The following CASK variants were observed in gnomAD, a reference collection of about 807,000 sequenced individuals.
CASK encodes the protein calcium/calmodulin dependent serine protein kinase, also known as peripheral plasma membrane protein CASK.
A neutral mutation model predicts 82.9 loss-of-function variants in CASK; 4 were observed. That is an observed-to-expected ratio of 0.05 (90% CI 0.02 to 0.11). CASK has a LOEUF of 0.11. Among genes scored for constraint, CASK ranks in the 10% least tolerant of loss-of-function variants. The pLI, the probability that CASK is intolerant of heterozygous loss-of-function variation, is 1.00. For missense variants in CASK, 358 were observed against 720.9 expected (o/e 0.50, Z 5.76); for synonymous variants, 259 against 253.5 (o/e 1.02, Z -0.20).
intron 3 of CASK, 27 bp downstream of exon 3, chrX:41,787,151 C>T: frequency 5.7e-6 from 5 of 874,548 alleles, no homozygotes; most frequent in Non-Finnish European, 8.5e-6. Flanking sequence ...CAAGTTTTAC[C>T]CTTTAAGAAT....
intron 25 of CASK, chrX:41,524,743 G>C (rs1345958963): frequency 9.0e-6 from 1 of 111,365 alleles, no homozygotes; most frequent in African/African-American, 3.3e-5. Flanking sequence ...AGTTTGGATA[G>C]ATATACTGCA....
At position 41,760,987 on chromosome X, in the gene CASK, T is replaced by C. The variant is rs148429381; in HGVS notation, c.279-15386A>G. Among the ~76,000 whole-genome samples the C allele has an allele frequency of 8.7e-3, 968 of 111,525 alleles. 14 individuals carry two copies. Among genetic ancestry groups the C allele is most frequent in the African/African-American group, 0.03 (933 of 30,704 alleles). ...GCATCAGTTTGCTTGCTATCCTGTG[T>C]AAGTTCTTGTAACTCTGGTATGGAT... On this transcript the variant is annotated intron_variant, in intron 3 of 26. Transcript: ENST00000378163.
chrX:41,747,355 C>A (rs773993585), intron 3 of CASK, among the ~76,000 whole-genome samples: 1 of 111,468 alleles, frequency 9.0e-6, no homozygotes, highest in Admixed American at 9.5e-5. Context: ...CCTGGATGAA[C>A]GTGATCATGC....
At position 41,888,700 on chromosome X, in the gene CASK, T is replaced by C. The variant is rs868182015; in HGVS notation, c.59+34230A>G. Among the ~76,000 whole-genome samples, 5 of 102,006 alleles carry C rather than the reference T, an allele frequency of 4.9e-5. No individual in the cohort carries two copies. The South Asian group carries it at 1.6e-3, about 33-fold the overall frequency. The allele number at this position is 102,006 out of a possible 115,157, so 88.6% of individuals were successfully genotyped here. ...ATGTATGTGAATATATGTATATATA[T>C]ACGTATATATGTATATGTATGTGAA... is the stretch of plus-strand genomic sequence containing the variant. On this transcript the variant is annotated intron_variant, in intron 1 of 26. Coordinates refer to ENST00000378163, the MANE Select transcript of CASK (RefSeq NM_001367721.1).
At chrX:41,672,609 G>A (rs941112560) in intron 5 of CASK, among the ~76,000 whole-genome samples, 2 of 111,874 alleles carry the variant, frequency 1.8e-5, no homozygotes, top group African/African-American at 6.5e-5. Context: ...ATACTGAGCT[G>A]GTACACCTGT....
chrX:41,695,103 T>A (rs1407646622), intron 5 of CASK, among the ~76,000 whole-genome samples: 1 of 111,192 alleles, frequency 9.0e-6, no homozygotes, highest in African/African-American at 3.3e-5. Context: ...GAGAAGATGA[T>A]CTCATAAATT....
At chrX:41,586,257 C>T (rs765254978) in intron 14 of CASK, 3 of 112,186 alleles carry the variant, frequency 2.7e-5, no homozygotes, top group African/African-American at 9.7e-5. Context: ...GTAAATTTTC[C>T]ACTTTTCACA....
intron 3 of CASK, among the ~76,000 whole-genome samples, chrX:41,761,735 C>T (rs755794957): frequency 1.8e-5 from 2 of 111,639 alleles, no homozygotes; most frequent in East Asian, 2.8e-4. Context: ...TCAGACATTA[C>T]CAAGAAAAAA....
At chrX:41,910,042 C>T (rs1364133841) in intron 1 of CASK, among the ~76,000 whole-genome samples, 1 of 111,476 alleles carries the variant, frequency 9.0e-6, no homozygotes, top group Non-Finnish European at 1.9e-5. Context: ...GCCAACATGG[C>T]AAAACCCTGT....
intron 5 of CASK, among the ~76,000 whole-genome samples, chrX:41,708,793 A>T (rs750655627): frequency 1.8e-5 from 2 of 111,888 alleles, no homozygotes; most frequent in Non-Finnish European, 3.8e-5. Flanking sequence ...AGGCACTATT[A>T]AAAAAGTGAC....
intron 3 of CASK, among the ~76,000 whole-genome samples, chrX:41,747,576 C>T (rs1279475607): frequency 3.6e-5 from 4 of 111,583 alleles, no homozygotes; most frequent in African/African-American, 9.8e-5. Flanking sequence ...GTAGCTGGCA[C>T]TACAGGCGCC....
chrX:41,540,963 A>T (rs758809328), intron 22 of CASK, among the ~76,000 whole-genome samples: 43 of 112,511 alleles, frequency 3.8e-4, no homozygotes, highest in Admixed American at 3.1e-3. Context: ...TGACAGCCTG[A>T]ACCAGCCATT....
chrX:41,709,483 G>T (rs2067937682), intron 5 of CASK, among the ~76,000 whole-genome samples: 1 of 111,459 alleles, frequency 9.0e-6, no homozygotes, highest in Non-Finnish European at 1.9e-5. Context: ...TATATTATGA[G>T]AGTCCATATA....
chrX:41,645,173 C>T (rs984200340), intron 8 of CASK, among the ~76,000 whole-genome samples: 7 of 111,266 alleles, frequency 6.3e-5, no homozygotes, highest in Non-Finnish European at 1.3e-4. Flanking sequence ...CCCTTACAAT[C>T]GCACTTTAAA....
At chrX:41,525,812 G>A (rs773999656) in intron 25 of CASK, among the ~76,000 whole-genome samples, 35 of 111,745 alleles carry the variant, frequency 3.1e-4, no homozygotes, top group Admixed American at 2.8e-3. Flanking sequence ...GACATGAAAG[G>A]TTCTTTCTTT....
At chrX:41,581,990 C>T (rs1005459725) in intron 14 of CASK, among the ~76,000 whole-genome samples, 3 of 111,218 alleles carry the variant, frequency 2.7e-5, no homozygotes, top group Non-Finnish European at 5.7e-5. Context: ...AATTTCCTCT[C>T]GGAATTGTGA....
At chrX:41,606,892 T>A (rs1247860763) in intron 12 of CASK, among the ~76,000 whole-genome samples, 2 of 109,477 alleles carry the variant, frequency 1.8e-5, no homozygotes, top group Non-Finnish European at 3.8e-5. Flanking sequence ...GGGGTCTTGC[T>A]TTGTTGCCCA....
chrX:41,715,989 G>A (rs761706759), intron 5 of CASK, among the ~76,000 whole-genome samples: 6 of 111,590 alleles, frequency 5.4e-5, no homozygotes, highest in African/African-American at 9.8e-5. Flanking sequence ...TTGCTTGCCC[G>A]GTGGAAGATG....
At chrX:41,809,201 C>A (rs2070213469) in intron 2 of CASK, among the ~76,000 whole-genome samples, 1 of 112,336 alleles carries the variant, frequency 8.9e-6, no homozygotes, top group South Asian at 3.7e-4. Context: ...GAAACCTCTG[C>A]AGACTTAAAT....
Sources: allele counts gnomAD v4.1 joint callset (sites outside exome capture counted in the v4.1 genomes callset), GRCh38; gene constraint gnomAD v4.1.1; transcripts MANE v1.5; gene names NCBI Gene and HGNC (gene_info 2026-07-23, HGNC 2026-07-21).